Variants in GULP1 observed in about 807,000 individuals in gnomAD.
GULP1 encodes PTB domain-containing engulfment adapter protein 1.
In GULP1, 19 loss-of-function variants were observed where a neutral mutation model predicts 40.9. The observed-to-expected ratio is 0.46, with a 90% CI of 0.32 to 0.68. The LOEUF (loss-of-function observed/expected upper bound fraction) is 0.68. Ranked by LOEUF, GULP1 falls within the 30% of genes least tolerant of loss-of-function variation. The pLI is 0.03. For synonymous variants in GULP1, 119 were observed against 117.6 expected (o/e 1.01, Z -0.08); for missense variants, 312 against 362.2 (o/e 0.86, Z 1.12).
chr2:188,590,352 T>C (rs890214194), intron 11 of GULP1: 6 of 152,180 alleles, frequency 3.9e-5, no homozygotes, highest in African/African-American at 1.4e-4. Flanking sequence ...TCATCTAAAG[T>C]CTATGATGGC....
At chr2:188,375,429 T>C (rs2048173316) in intron 1 of GULP1, among the ~76,000 whole-genome samples, 1 of 152,202 alleles carries the variant, frequency 6.6e-6, no homozygotes, top group South Asian at 2.1e-4. Flanking sequence ...ACTAATGACT[T>C]TTTATGTAAT....
intron 7 of GULP1, among the ~76,000 whole-genome samples, chr2:188,566,420 T>G (rs191619146): frequency 2.6e-5 from 4 of 151,986 alleles, no homozygotes; most frequent in Admixed American, 2.0e-4. Flanking sequence ...GTTATTAATA[T>G]AAATAAATAA....
intron 2 of GULP1, among the ~76,000 whole-genome samples, chr2:188,405,092 A>G (rs1377963490): frequency 1.3e-5 from 2 of 152,106 alleles, no homozygotes; most frequent in Non-Finnish European, 2.9e-5. Context: ...GCTTAGCCCC[A>G]TGGACCTAGG....
chr2:188,347,054 C>T (rs889455663), intron 1 of GULP1, among the ~76,000 whole-genome samples: 2 of 152,000 alleles, frequency 1.3e-5, no homozygotes, highest in African/African-American at 4.8e-5. Flanking sequence ...TTATTGCTCT[C>T]GATTCACAAC....
intron 2 of GULP1, among the ~76,000 whole-genome samples, chr2:188,421,304 C>T (rs1223224993): frequency 6.6e-6 from 1 of 151,860 alleles, no homozygotes; most frequent in South Asian, 2.1e-4. Flanking sequence ...TAGACCTATG[C>T]CTGTATAAAT....
chr2:188,424,847 A>G (rs2055952325), intron 2 of GULP1, among the ~76,000 whole-genome samples: 1 of 151,966 alleles, frequency 6.6e-6, no homozygotes, highest in Non-Finnish European at 1.5e-5. Context: ...GATTTTAATG[A>G]TGGCATCCCT....
chr2:188,441,473 T>G (rs1187294480), intron 2 of GULP1, among the ~76,000 whole-genome samples: 1 of 152,160 alleles, frequency 6.6e-6, no homozygotes, highest in Non-Finnish European at 1.5e-5. Flanking sequence ...GTGTTCCTGC[T>G]TGTATTCCAC....
chr2:188,425,479 G>C (rs908677260), intron 2 of GULP1, among the ~76,000 whole-genome samples: 1 of 152,092 alleles, frequency 6.6e-6, no homozygotes, highest in Non-Finnish European at 1.5e-5. Context: ...GGGGGTTGTA[G>C]TTTCCAGTCT....
chr2:188,539,108 C>T (rs898444057), intron 6 of GULP1, among the ~76,000 whole-genome samples: 2 of 151,824 alleles, frequency 1.3e-5, no homozygotes, highest in Non-Finnish European at 1.5e-5. Flanking sequence ...GCTTTTCTCA[C>T]GTGTCCTCCA....
chr2:188,536,817 G>A (rs1409926579), intron 6 of GULP1, among the ~76,000 whole-genome samples: 6 of 152,004 alleles, frequency 3.9e-5, no homozygotes, highest in Non-Finnish European at 7.4e-5. Context: ...TCATGAGCAC[G>A]GAATATTTTT....
At chr2:188,560,175 A>G (rs1695874169) in intron 7 of GULP1, among the ~76,000 whole-genome samples, 1 of 152,180 alleles carries the variant, frequency 6.6e-6, no homozygotes, top group African/African-American at 2.4e-5. Flanking sequence ...GCTTATGCAT[A>G]TGAGTATAGC....
chr2:188,558,445 T>C (rs2153401817), intron 7 of GULP1, among the ~76,000 whole-genome samples: 1 of 152,254 alleles, frequency 6.6e-6, no homozygotes, highest in East Asian at 1.9e-4. Context: ...GAACTGTAAG[T>C]CCAATTAAAC....
At chr2:188,567,331 C>T (rs557025400) in intron 7 of GULP1, among the ~76,000 whole-genome samples, 5 of 152,194 alleles carry the variant, frequency 3.3e-5, no homozygotes, top group South Asian at 4.1e-4. Context: ...CAAATGCACG[C>T]GTATGTTTAT....
chr2:188,435,066 A>C (rs1243008906), intron 2 of GULP1, among the ~76,000 whole-genome samples: 2 of 152,070 alleles, frequency 1.3e-5, no homozygotes, highest in East Asian at 3.8e-4. Context: ...AATAGATAGA[A>C]GTATAGCTTC....
intron 1 of GULP1, among the ~76,000 whole-genome samples, chr2:188,323,336 T>TATAG (rs1372863199): frequency 6.6e-6 from 1 of 152,062 alleles, no homozygotes; most frequent in Middle Eastern, 3.2e-3. Context: ...TAGAGTCAGG[T>TATAG]ATATCTAGTT....
intron 4 of GULP1, among the ~76,000 whole-genome samples, chr2:188,485,335 A>G (rs924597568): frequency 6.6e-6 from 1 of 152,084 alleles, no homozygotes; most frequent in African/African-American, 2.4e-5. Flanking sequence ...GTGCAAAAAC[A>G]TCTTCCCAGA....
At chr2:188,432,997 T>C (rs189489849) in intron 2 of GULP1, among the ~76,000 whole-genome samples, 37 of 152,258 alleles carry the variant, frequency 2.4e-4, no homozygotes, top group African/African-American at 7.5e-4. Flanking sequence ...AAAGATTGGG[T>C]CCAAAGAATG....
chr2:188,495,955 A>G (rs546198765), intron 4 of GULP1, among the ~76,000 whole-genome samples: 32 of 152,056 alleles, frequency 2.1e-4, no homozygotes, highest in Non-Finnish European at 3.8e-4. Flanking sequence ...TTTTAATAAC[A>G]TGACCATTTC....
intron 1 of GULP1, chr2:188,294,357 T>A (rs1443044475): frequency 1.3e-5 from 2 of 152,188 alleles, no homozygotes; most frequent in African/African-American, 4.8e-5. Flanking sequence ...GTGATCCTGA[T>A]AAACAGATCT....
Sources: allele counts gnomAD v4.1 joint callset (sites outside exome capture counted in the v4.1 genomes callset), GRCh38; gene constraint gnomAD v4.1.1; transcripts MANE v1.5; gene names NCBI Gene and HGNC (gene_info 2026-07-23, HGNC 2026-07-21).